The following SNX13 variants were observed in gnomAD, a reference collection of about 807,000 sequenced individuals.
The protein encoded by SNX13 is sorting nexin 13.
SNX13 carries 45 observed loss-of-function variants against 133.6 expected under a neutral mutation model. The observed-to-expected ratio is 0.34, with a 90% CI of 0.27 to 0.43. The LOEUF is 0.43. Ranked by LOEUF, SNX13 falls within the 20% of genes least tolerant of loss-of-function variation. SNX13 has a pLI of 1.00. For missense variants in SNX13, 1,032 were observed against 1,145.1 expected, an observed-to-expected ratio of 0.90 and a Z score of 1.43; for synonymous variants, 414 against 373.9, an observed-to-expected ratio of 1.11 and a Z score of -1.24.
chr7:17,856,869 A>G (rs898517533), intron 9 of SNX13, among the ~76,000 whole-genome samples: 6 of 151,760 alleles, frequency 4.0e-5, no homozygotes, highest in South Asian at 4.1e-4. Context: ...TAGAAAAGCA[A>G]TAACAAACCA....
At chr7:17,852,540 CAAGA>C (rs1192669619) in intron 9 of SNX13, among the ~76,000 whole-genome samples, 1 of 151,884 alleles carries the variant, frequency 6.6e-6, no homozygotes, top group Non-Finnish European at 1.5e-5. Context: ...TGGAGGAGTT[CAAGA>C]AAGAAAGAGC....
chr7:17,850,545 T>TATAAA (rs1395156217), intron 10 of SNX13, 110 bp from the exon 11 acceptor site: 4 of 684,986 alleles, frequency 5.8e-6, no homozygotes, highest in Non-Finnish European at 6.8e-6. Flanking sequence ...GCAACTGTTT[T>TATAAA]AGTCAATAAA....
intron 1 of SNX13, among the ~76,000 whole-genome samples, chr7:17,921,215 C>T (rs1800091001): frequency 6.6e-6 from 1 of 152,118 alleles, no homozygotes; most frequent in Non-Finnish European, 1.5e-5. Flanking sequence ...TACCCAATTC[C>T]CAATTATTGG....
intron 1 of SNX13, among the ~76,000 whole-genome samples, chr7:17,939,386 A>G (rs1802491331): frequency 6.6e-6 from 1 of 152,242 alleles, no homozygotes; most frequent in African/African-American, 2.4e-5. Flanking sequence ...CACAAGGTTC[A>G]GTATTTTATG....
chr7:17,891,531 C>A lies in SNX13; in HGVS notation c.318+15G>T. ...CACAATATATAGAATTCAAATACCA[C>A]ACGCTGAAACTCACTTGCTGGAGAG... is the stretch of plus-strand genomic sequence containing the variant. On this transcript the variant is annotated intron_variant, in intron 4 of 25. Transcript: ENST00000428135. 6.3e-7 allele frequency: 1 copy of A among 1,588,466 alleles called. No individual in the cohort carries two copies. Among genetic ancestry groups the A allele is most frequent in the Non-Finnish European group, 8.6e-7 (1 of 1,158,304 alleles).
chr7:17,824,323 T>C (rs1483405538), intron 17 of SNX13, among the ~76,000 whole-genome samples: 3 of 152,212 alleles, frequency 2.0e-5, no homozygotes, highest in South Asian at 2.1e-4. Context: ...TACTGCTTCC[T>C]TGGGCCATTC....
intron 20 of SNX13, among the ~76,000 whole-genome samples, chr7:17,814,095 C>T (rs1368591856): frequency 6.6e-6 from 1 of 152,146 alleles, no homozygotes; most frequent in African/African-American, 2.4e-5. Flanking sequence ...TCCTCCTGCT[C>T]CTATTGCTAT....
rs376095682 is a variant in SNX13 at position 17,933,104 on chromosome 7, T to C, written c.12+7180A>G. On this transcript the variant is annotated intron_variant, in intron 1 of 25. Coordinates refer to ENST00000428135, the MANE Select transcript of SNX13 (RefSeq NM_015132.5). ...AGTTATAACAAAAGCCTTATAAACA[T>C]TATCCTTAATAACAGCTTTTCAAGG... Among the ~76,000 whole-genome samples the C allele has an allele frequency of 4.9e-4, 74 of 152,328 alleles. 3 individuals are homozygous for C. In the East Asian group the frequency reaches 0.013, roughly 27 times the overall value.
At position 17,830,819 on chromosome 7, in the gene SNX13, T is replaced by C. The variant is rs1302835635; in HGVS notation, c.1598-772A>G. 4 of 984,046 alleles carry C rather than the reference T, an allele frequency of 4.1e-6. No homozygotes were observed. In the African/African-American group the frequency reaches 5.2e-5, roughly 13 times the overall value. The allele number at this position is 984,046 out of a possible 1,614,324, so 61.0% of individuals were successfully genotyped here. ...CAATATTCATACACAGTTTAATATA[T>C]GGTTTCGAGCACTTAAGAGGTTATA... On this transcript the variant is annotated intron_variant, in intron 15 of 25. Transcript: ENST00000428135.
At chr7:17,918,418 T>A (rs1403060088) in intron 1 of SNX13, among the ~76,000 whole-genome samples, 2 of 146,918 alleles carry the variant, frequency 1.4e-5, no homozygotes, top group East Asian at 2.0e-4. Flanking sequence ...CGTAAGAAAC[T>A]TAAGATGAAT....
At chr7:17,934,717 C>A (rs1000857404) in intron 1 of SNX13, among the ~76,000 whole-genome samples, 2 of 152,102 alleles carry the variant, frequency 1.3e-5, no homozygotes, top group African/African-American at 4.8e-5. Context: ...TTAAAATGGG[C>A]AAAGGGCTTG....
chr7:17,906,593 C>G (rs1798423662), intron 1 of SNX13, among the ~76,000 whole-genome samples: 1 of 151,926 alleles, frequency 6.6e-6, no homozygotes, highest in South Asian at 2.1e-4. Context: ...CTCTCATAAT[C>G]TGATATGGCC....
intron 17 of SNX13, among the ~76,000 whole-genome samples, chr7:17,824,310 GTGTAC>G (rs1209145293): frequency 6.6e-6 from 1 of 152,136 alleles, no homozygotes; most frequent in Non-Finnish European, 1.5e-5. Flanking sequence ...ATTCTTGTGT[GTGTAC>G]TGCTTCCTTG....
At chr7:17,833,594 A>G (rs1788774713) in intron 15 of SNX13, among the ~76,000 whole-genome samples, 1 of 151,704 alleles carries the variant, frequency 6.6e-6, no homozygotes, top group Non-Finnish European at 1.5e-5. Context: ...TTTCTAGCTC[A>G]AAAGTCTCTC....
chr7:17,858,904 T>C (rs1174107967), intron 9 of SNX13, among the ~76,000 whole-genome samples: 1 of 152,136 alleles, frequency 6.6e-6, no homozygotes, highest in Non-Finnish European at 1.5e-5. Flanking sequence ...TATCTAGATG[T>C]CTGTATTTTA....
intron 5 of SNX13, chr7:17,882,869 G>C (rs1200314554): frequency 7.8e-7 from 1 of 1,283,188 alleles, no homozygotes; most frequent in Admixed American, 2.4e-5. Flanking sequence ...AAACAAAACA[G>C]GGTTCCAGGA....
At position 17,906,834 on chromosome 7, in the gene SNX13, T is replaced by A. The variant is rs1177990024; in HGVS notation, c.13-9388A>T. On this transcript the variant is annotated intron_variant, in intron 1 of 25. Transcript: ENST00000428135. Reference sequence around the variant, plus strand: ...GTTCCAATTACCTCCTTGATTTTTCTATAGAATAAATAGGAGACTTCCTGT... The same window carrying A: ...GTTCCAATTACCTCCTTGATTTTTCAATAGAATAAATAGGAGACTTCCTGT... 2.0e-5 allele frequency among the ~76,000 whole-genome samples: 3 copies of A among 152,240 alleles called. No individual in the cohort carries two copies. In the East Asian group the frequency reaches 5.8e-4, roughly 29 times the overall value.
intron 20 of SNX13, among the ~76,000 whole-genome samples, chr7:17,805,590 T>G (rs1428943242): frequency 6.6e-6 from 1 of 152,204 alleles, no homozygotes; most frequent in Non-Finnish European, 1.5e-5. Context: ...TGAGTTTAAA[T>G]AGTGTGATAT....
chr7:17,888,027 A>C (rs2714877), intron 5 of SNX13: 84,992 of 151,868 alleles, frequency 0.56, 24,271 homozygotes, highest in East Asian at 0.72. Context: ...GATTGTAAAC[A>C]GACTAATCTT....
Sources: gnomAD v4.1 joint callset for allele counts (sites outside exome capture counted in the v4.1 genomes callset) on GRCh38, gnomAD v4.1.1 for gene constraint, MANE v1.5 for transcripts, NCBI Gene and HGNC (gene_info 2026-07-23, HGNC 2026-07-21) for gene names.